Variants in CELF2 observed in about 807,000 individuals in gnomAD.
CELF2 encodes the protein CUGBP Elav-like family member 2, also known as CUG triplet repeat RNA-binding protein 2.
In CELF2, 8 loss-of-function variants were observed where a neutral mutation model predicts 62.6. That is an observed-to-expected ratio of 0.13 (90% CI 0.07 to 0.23). The LOEUF (loss-of-function observed/expected upper bound fraction) is 0.23, where lower values mean the gene tolerates loss of function less well. Among genes scored for constraint, CELF2 ranks in the 10% least tolerant of loss-of-function variants. The probability of loss-of-function intolerance (pLI) is 1.00; values close to 1 mark genes in which losing one functional copy is unlikely to be tolerated. For synonymous variants in CELF2, 258 were observed against 250.0 expected (o/e 1.03, Z -0.30); for missense variants, 333 against 671.0 (o/e 0.50, Z 5.56).
At chr10:10,834,286 A>G (rs535981563) in intron 1 of CELF2, among the ~76,000 whole-genome samples, 202 of 152,332 alleles carry the variant, frequency 1.3e-3, no homozygotes, top group African/African-American at 4.6e-3. Context: ...ATAGAGGGGA[A>G]CAGCACACAC....
the CELF2 span, among the ~76,000 whole-genome samples, chr10:10,570,722 G>A: frequency 6.6e-6 from 1 of 152,086 alleles, no homozygotes; most frequent in Non-Finnish European, 1.5e-5. Context: ...AGATAGTACT[G>A]AGAAATTTAC....
intron 3 of CELF2, among the ~76,000 whole-genome samples, chr10:11,241,342 G>T (rs2073841677): frequency 6.6e-6 from 1 of 152,190 alleles, no homozygotes; most frequent in South Asian, 2.1e-4. Context: ...TGGGATTACA[G>T]GTGTGCGCCA....
the CELF2 span, among the ~76,000 whole-genome samples, chr10:10,633,288 T>C: frequency 6.6e-6 from 1 of 152,220 alleles, no homozygotes; most frequent in Non-Finnish European, 1.5e-5. Flanking sequence ...TTTCATCAGT[T>C]GCACCATCAG....
rs1325996047 is a variant in CELF2 at position 10,934,820 on chromosome 10, T to C, written c.89+14821T>C. ...TGCATGGAGGTTCGGTTGAAGTCAT[T>C]TGGCACACCCAAATGGGTTTTGCAG... On this transcript the variant is annotated intron_variant, in intron 2 of 13. Transcript: ENST00000636488. This position sits in a 1 kb window ranked among gnomAD's most constrained non-coding sequence, Gnocchi z 4.4. 1 of 152,224 alleles carries C rather than the reference T, an allele frequency of 6.6e-6. No individual in the cohort carries two copies. Among genetic ancestry groups the C allele is most frequent in the African/African-American group, 2.4e-5 (1 of 41,460 alleles). The allele number at this position is 152,224 out of a possible 1,614,324, so 9.4% of individuals were successfully genotyped here.
chr10:11,163,971 A>T (rs1264620723), intron 1 of CELF2, among the ~76,000 whole-genome samples: 1 of 152,178 alleles, frequency 6.6e-6, no homozygotes, highest in African/African-American at 2.4e-5. Flanking sequence ...TCTCTGTAAG[A>T]TCTTTGTCTA....
the CELF2 span, among the ~76,000 whole-genome samples, chr10:10,771,411 G>A: frequency 2.6e-5 from 4 of 152,156 alleles, no homozygotes; most frequent in South Asian, 2.1e-4. Flanking sequence ...AAGCAAGCAT[G>A]GCATAAGTGC....
At chr10:10,712,173 A>AAAAAAAAAC in the CELF2 span, among the ~76,000 whole-genome samples, 3 of 149,394 alleles carry the variant, frequency 2.0e-5, no homozygotes, top group African/African-American at 7.5e-5. Context: ...AAAAAAAAAA[A>AAAAAAAAAC]CTGGAATCTC....
At chr10:10,749,851 C>T in the CELF2 span, among the ~76,000 whole-genome samples, 1 of 152,260 alleles carries the variant, frequency 6.6e-6, no homozygotes, top group East Asian at 1.9e-4. Context: ...TATAATGAGC[C>T]AATCTGACTG....
chr10:10,472,250 C>T, the CELF2 span, among the ~76,000 whole-genome samples: 1 of 151,688 alleles, frequency 6.6e-6, no homozygotes, highest in African/African-American at 2.4e-5. Flanking sequence ...TTCCACAAGC[C>T]TCTCAGGCTC....
chr10:10,841,218 G>A (rs371806027), intron 1 of CELF2, among the ~76,000 whole-genome samples: 1 of 152,066 alleles, frequency 6.6e-6, no homozygotes, highest in Admixed American at 6.6e-5. Flanking sequence ...TAATGGGATT[G>A]CTGGGTCAAA....
chr10:10,811,329 C>T (rs7085561), intron 1 of CELF2, among the ~76,000 whole-genome samples: 4 of 151,996 alleles, frequency 2.6e-5, no homozygotes, highest in African/African-American at 9.7e-5. Flanking sequence ...GATGACCAGG[C>T]TTTTTAAAGG....
the CELF2 span, among the ~76,000 whole-genome samples, chr10:10,676,073 A>C: frequency 5.3e-5 from 8 of 152,134 alleles, no homozygotes; most frequent in African/African-American, 1.9e-4. Context: ...GGTAGGCTTT[A>C]ATAATGTAGT....
chr10:10,586,126 C>T, the CELF2 span, among the ~76,000 whole-genome samples: 1 of 152,208 alleles, frequency 6.6e-6, no homozygotes, highest in African/African-American at 2.4e-5. Context: ...TGCTTTTACT[C>T]TCACAACTCT....
intron 1 of CELF2, among the ~76,000 whole-genome samples, chr10:11,100,889 T>C (rs1052326532): frequency 6.6e-6 from 1 of 152,172 alleles, no homozygotes; most frequent in African/African-American, 2.4e-5. Flanking sequence ...GAAGGTTGCA[T>C]TCAATGAAAC....
At chr10:10,649,588 A>G in the CELF2 span, among the ~76,000 whole-genome samples, 1 of 152,202 alleles carries the variant, frequency 6.6e-6, no homozygotes, top group Non-Finnish European at 1.5e-5. Context: ...AACAGCTTAA[A>G]TTCACTGACA....
chr10:10,830,825 C>T (rs1208141033), intron 1 of CELF2, among the ~76,000 whole-genome samples: 2 of 152,142 alleles, frequency 1.3e-5, no homozygotes, highest in Non-Finnish European at 2.9e-5. Flanking sequence ...GGTTGCCTAG[C>T]TGCAAAACAC....
intron 1 of CELF2, among the ~76,000 whole-genome samples, chr10:10,910,020 A>T (rs1302985235): frequency 6.6e-6 from 1 of 152,230 alleles, no homozygotes; most frequent in Non-Finnish European, 1.5e-5. Flanking sequence ...CAAACATCAC[A>T]ATGCAGGCTG....
the CELF2 span, among the ~76,000 whole-genome samples, chr10:10,486,880 G>T: frequency 5.3e-5 from 8 of 152,222 alleles, no homozygotes; most frequent in South Asian, 4.1e-4. Flanking sequence ...TCCACTAAAG[G>T]TCAGGAAAGG....
chr10:10,508,312 T>C, the CELF2 span, among the ~76,000 whole-genome samples: 1 of 152,228 alleles, frequency 6.6e-6, no homozygotes, highest in Non-Finnish European at 1.5e-5. Flanking sequence ...CTCGCAATAC[T>C]ACTTGAACAT....
Sources: allele counts gnomAD v4.1 joint callset (sites outside exome capture counted in the v4.1 genomes callset), GRCh38; gene constraint gnomAD v4.1.1; non-coding constraint Gnocchi (gnomAD v3.1); transcripts MANE v1.5; gene names NCBI Gene and HGNC (gene_info 2026-07-23, HGNC 2026-07-21).